Variants in ZNF208 observed in about 807,000 individuals in gnomAD.
The protein encoded by ZNF208 is zinc finger protein 95.
In ZNF208, 10 loss-of-function variants were observed where a neutral mutation model predicts 12.1. The observed-to-expected ratio is 0.83, with a 90% CI of 0.51 to 1.40. The LOEUF (loss-of-function observed/expected upper bound fraction) is 1.40, where lower values mean the gene tolerates loss of function less well. ZNF208 is among the 40% of genes most tolerant of loss of function. The pLI is 0.00. For missense variants in ZNF208, 1,652 were observed against 1,485.0 expected, an observed-to-expected ratio of 1.11 and a Z score of -1.85; for synonymous variants, 497 against 488.4, an observed-to-expected ratio of 1.02 and a Z score of -0.23.
In ZNF208 at chr19:21,972,200, T is replaced by G. The variant is rs747222143; in HGVS notation, c.2834A>C (p.Tyr945Ser). 8.7e-6 allele frequency: 14 copies of G among 1,613,244 alleles called. No individual in the cohort carries two copies. Among genetic ancestry groups the G allele is most frequent in the Non-Finnish European group, 1.1e-5 (13 of 1,179,768 alleles). The change falls in exon 4 of 4, where the codon TAC becomes TCC. Residue 945 changes from tyrosine (Y) to serine (S), a missense_variant. Around this residue, in one of 3 missense-constraint regions of ZNF208, gnomAD observed 1,239 missense variants for 1,086.2 expected, o/e 1.14. Transcript: ENST00000397126. ...HKKTHAGEKFYKCEACGKAYK... is the reference protein window; with the variant it reads ...HKKTHAGEKFSKCEACGKAYK... ...GGCTTTGCCACATGCTTCACATTTGTAGAATTTCTCTCCAGCATGAGTTTT... is the reference window on the plus strand; with the variant it reads ...GGCTTTGCCACATGCTTCACATTTGGAGAATTTCTCTCCAGCATGAGTTTT...
At chr19:21,950,065 A>G (rs1969866895) in intron 4 of ZNF208, among the ~76,000 whole-genome samples, 1 of 152,232 alleles carries the variant, frequency 6.6e-6, no homozygotes, top group Non-Finnish European at 1.5e-5. Context: ...CTGGTAAAAG[A>G]TATAAGAAGA....
chr19:22,001,129 T>G (rs1356382023), intron 1 of ZNF208, among the ~76,000 whole-genome samples: 1 of 151,938 alleles, frequency 6.6e-6, no homozygotes, highest in Non-Finnish European at 1.5e-5. Flanking sequence ...CTACTAAAAA[T>G]ACAAAATTAC....
intron 4 of ZNF208, among the ~76,000 whole-genome samples, chr19:21,953,812 G>T (rs1031465861): frequency 1.6e-4 from 24 of 151,368 alleles, no homozygotes; most frequent in African/African-American, 5.3e-4. Context: ...TTTTTTGAAG[G>T]GTTTTTTGTG....
chr19:21,974,447 G>C lies in ZNF208; in HGVS notation c.587C>G (p.Thr196Ser). 1 of 1,613,748 alleles carries C rather than the reference G, an allele frequency of 6.2e-7. No homozygotes were observed. The stretch of plus-strand genomic sequence containing the variant: ...TTCACATTTGTAGGAATTCTCTCTA[G>C]TATAAATTCTTTTATGTTGAGATAG... ...SHLSQHKRIY[T>S]RENSYKCEEG... The change falls in exon 4 of 4, where the codon ACT (threonine) becomes AGT (serine). Residue 196 changes from threonine to serine, a missense_variant. Transcript: ENST00000397126.
At chr19:21,978,565 A>G (rs1295120495) in intron 3 of ZNF208, among the ~76,000 whole-genome samples, 6 of 152,326 alleles carry the variant, frequency 3.9e-5, no homozygotes, top group Non-Finnish European at 5.9e-5. Context: ...ACCCCGTCCA[A>G]AAGTCATCAA....
rs976112465 is a variant in ZNF208, at chr19:21,972,320, G to T, written c.2714C>A (p.Thr905Asn). Reference protein sequence around the residue: ...GKGFSMFSILTKHEVIHTGEK... With the variant: ...GKGFSMFSILNKHEVIHTGEK... ...TCCAGTATGAATTACCTCATGTTTA[G>T]TAAGGATGGAGAACATACTAAAACC... Residue 905 changes from threonine (T) to asparagine (N), a missense_variant, in exon 4 of 4, where the codon ACT (threonine) becomes AAT (asparagine). This residue lies in a region of ZNF208 where 1,239 missense variants were observed against 1,086.2 expected (regional missense o/e 1.14). Transcript: ENST00000397126. 2 of 1,612,464 alleles carry T rather than the reference G, an allele frequency of 1.2e-6. No homozygotes were observed. Among genetic ancestry groups the T allele is most frequent in the Non-Finnish European group, 1.7e-6 (2 of 1,179,584 alleles).
In ZNF208 at chr19:21,971,611, G is replaced by C. The variant is rs201135671; in HGVS notation, c.3423C>G (p.Tyr1141Ter). The change falls in exon 4 of 4, where the codon TAC becomes TAG. Residue 1141 changes from tyrosine (Y) to a stop codon, truncating the protein, a stop_gained. Transcript: ENST00000397126. LOFTEE classifies it low-confidence loss of function (END_TRUNC). Reference sequence around the variant, plus strand: ...AGGCTTTGCCACATTCTTCACATTTGTAGGGTTTCTCTCCAGTATGAATTA... The same window carrying C: ...AGGCTTTGCCACATTCTTCACATTTCTAGGGTTTCTCTCCAGTATGAATTA... Reference protein sequence around the residue: ...HKVIHTGEKPYKCEECGKAYK... With the variant: ...HKVIHTGEKP The C allele has an allele frequency of 2.5e-6, 4 of 1,612,326 alleles. No homozygotes were observed. Among genetic ancestry groups the C allele is most frequent in the Non-Finnish European group, 3.4e-6 (4 of 1,179,912 alleles).
In ZNF208 at chr19:21,971,791, T is replaced by C; in HGVS notation, c.3243A>G (p.Gly1081=). The C allele has an allele frequency of 6.2e-7, 1 of 1,613,854 alleles. No individual in the cohort carries two copies. Among genetic ancestry groups the C allele is most frequent in the Non-Finnish European group, 8.5e-7 (1 of 1,179,904 alleles). ...RLTEHKATHA[G]EEPYKCEECG... ...ATTCTTCACATTTGTAGGGTTCCTC[T>C]CCAGCATGAGTTGCCTTATGTTCAG... Residue 1081 remains glycine, a synonymous_variant, in exon 4 of 4, where the codon GGA becomes GGG. Coordinates refer to ENST00000397126, the MANE Select transcript of ZNF208 (RefSeq NM_007153.3).
intron 1 of ZNF208, among the ~76,000 whole-genome samples, chr19:22,004,245 G>GCA (rs1444303405): frequency 7.2e-5 from 11 of 152,106 alleles, no homozygotes; most frequent in African/African-American, 2.7e-4. Context: ...GGCTGGGTAT[G>GCA]GTGGCTCACA....
intron 3 of ZNF208, among the ~76,000 whole-genome samples, chr19:21,981,904 A>C (rs1276377219): frequency 2.0e-5 from 3 of 152,118 alleles, no homozygotes; most frequent in Non-Finnish European, 4.4e-5. Context: ...AAGCATTCCT[A>C]AACACCAATA....
Position 21,966,864 on chromosome 19 carries a change from AT to A in ZNF208, c.*4326del, listed in dbSNP as rs1281245087. ...TTCTGATAATTAGGAACGTTGAGCAATTTTTACATGTTTATTGGCAGCTCTT... is the reference window on the plus strand; with the variant it reads ...TTCTGATAATTAGGAACGTTGAGCAATTTTACATGTTTATTGGCAGCTCTT... On this transcript the variant is annotated 3_prime_UTR_variant, in exon 4 of 4. Transcript: ENST00000397126. The A allele has an allele frequency of 6.6e-6, 1 of 152,112 alleles. No homozygotes were observed. The highest frequency in any genetic ancestry group is 1.5e-5 in the Non-Finnish European group (1 of 68,012). 9.4% of individuals were successfully genotyped at this position (152,112 alleles called of 1,614,324 possible).
intron 1 of ZNF208, chr19:21,998,022 C>T (rs1970871600): frequency 6.6e-6 from 1 of 151,954 alleles, no homozygotes; most frequent in Admixed American, 6.6e-5. Context: ...GAAAATATTT[C>T]CCTAAGAAGA....
At chr19:22,008,927 T>C (rs558683057) in intron 1 of ZNF208, among the ~76,000 whole-genome samples, 44 of 152,208 alleles carry the variant, frequency 2.9e-4, no homozygotes, top group African/African-American at 9.6e-4. Flanking sequence ...GGAGCTGATA[T>C]TCACTAGACG....
chr19:21,965,674 T>C (rs1223759537), downstream of ZNF208: 1 of 152,078 alleles, frequency 6.6e-6, no homozygotes, highest in East Asian at 1.9e-4. Flanking sequence ...CCACTTTCTG[T>C]TGAATTATTT....
At chr19:21,944,436 T>G (rs1969786877) in intron 4 of ZNF208, among the ~76,000 whole-genome samples, 1 of 152,192 alleles carries the variant, frequency 6.6e-6, no homozygotes, top group South Asian at 2.1e-4. Flanking sequence ...AAATTCTTAT[T>G]TTGGCATTTT....
chr19:22,008,062 T>C (rs1971078955), intron 1 of ZNF208, among the ~76,000 whole-genome samples: 1 of 148,542 alleles, frequency 6.7e-6, no homozygotes, highest in Admixed American at 6.8e-5. Context: ...CCCACCACTT[T>C]GGGAGGCTGA....
intron 3 of ZNF208, chr19:21,986,629 A>G (rs908712923): frequency 4.4e-5 from 7 of 159,554 alleles, no homozygotes; most frequent in African/African-American, 1.7e-4. Flanking sequence ...TTTTTTTCAC[A>G]GTAATGAAAA....
Position 21,973,486 on chromosome 19 carries a change from C to G in ZNF208, c.1548G>C (p.Lys516Asn). Reference protein sequence around the residue: ...FNWSSNLMEHKRIHTGEKPYK... With the variant: ...FNWSSNLMEHNRIHTGEKPYK... ...AGGGTTTCTCTCCAGTATGAATTCTCTTATGTTCCATAAGGTTTGAGGACC... is the reference window on the plus strand; with the variant it reads ...AGGGTTTCTCTCCAGTATGAATTCTGTTATGTTCCATAAGGTTTGAGGACC... The change falls in exon 4 of 4, where the codon AAG becomes AAC. Residue 516 changes from lysine to asparagine, a missense_variant. Around this residue, in one of 3 missense-constraint regions of ZNF208, gnomAD observed 1,239 missense variants for 1,086.2 expected, o/e 1.14. Coordinates refer to ENST00000397126, the MANE Select transcript of ZNF208 (RefSeq NM_007153.3). The G allele has an allele frequency of 1.2e-6, 2 of 1,613,224 alleles. No homozygotes were observed. The highest frequency in any genetic ancestry group is 1.7e-6 in the Non-Finnish European group (2 of 1,179,856).
At chr19:21,940,581 T>C (rs1463158141) in intron 4 of ZNF208, 1 of 152,176 alleles carries the variant, frequency 6.6e-6, no homozygotes, top group African/African-American at 2.4e-5. Flanking sequence ...TCTCTCTCTA[T>C]ATATATTTTG....
Sources: gnomAD v4.1 joint callset for allele counts (sites outside exome capture counted in the v4.1 genomes callset) on GRCh38, gnomAD v4.1.1 for gene constraint, gnomAD v4.1.1 regional missense constraint, MANE v1.5 for transcripts, NCBI Gene and HGNC (gene_info 2026-07-23, HGNC 2026-07-21) for gene names.